The following NOX4 variants were observed in gnomAD, a reference collection of about 807,000 sequenced individuals.
The protein encoded by NOX4 is kidney oxidase-1.
Under a neutral mutation model 87.6 loss-of-function variants are expected in NOX4, and 69 were observed. The ratio of observed to expected loss-of-function variants is 0.79; its 90% CI spans 0.65 to 0.96. NOX4 has a LOEUF of 0.96. NOX4 is among the 40% of genes least tolerant of loss of function. The pLI, the probability that NOX4 is intolerant of heterozygous loss-of-function variation, is 0.00. For missense variants in NOX4, 680 were observed against 681.5 expected (o/e 1.00, Z 0.02); for synonymous variants, 275 against 238.2 (o/e 1.15, Z -1.42).
chr11:89,417,438 C>G (rs897556372), intron 8 of NOX4, among the ~76,000 whole-genome samples: 9 of 151,976 alleles, frequency 5.9e-5, no homozygotes, highest in African/African-American at 1.4e-4. Flanking sequence ...CCAATAGCAA[C>G]CTCCCAAAAA....
intron 8 of NOX4, among the ~76,000 whole-genome samples, chr11:89,416,200 T>C (rs1942761669): frequency 6.6e-6 from 1 of 152,132 alleles, no homozygotes; most frequent in Non-Finnish European, 1.5e-5. Context: ...AATTACAAAG[T>C]CACTGCAAAT....
intron 1 of NOX4, chr11:89,490,956 C>T (rs1371051275): frequency 3.0e-6 from 2 of 661,384 alleles, no homozygotes; most frequent in African/African-American, 1.8e-5. Context: ...TTCCCTCTTC[C>T]TCCACATCTC....
At chr11:89,429,906 G>A (rs1053249332) in intron 7 of NOX4, among the ~76,000 whole-genome samples, 1 of 152,118 alleles carries the variant, frequency 6.6e-6, no homozygotes, top group African/African-American at 2.4e-5. Context: ...AACAAAAAAA[G>A]AGAATTTTAG....
rs1206442303 is a variant in NOX4, at chr11:89,326,596, G to A, written c.*160C>T. 7.6e-6 allele frequency: 4 copies of A among 524,150 alleles called. No homozygotes were observed. Among genetic ancestry groups the A allele is most frequent in the African/African-American group, 2.0e-5 (1 of 51,218 alleles). 32.5% of individuals were successfully genotyped at this position (524,150 alleles called of 1,614,324 possible). The stretch of plus-strand genomic sequence containing the variant: ...TTCCAGATTAAACATGTAATGTGAC[G>A]GTCATCTTGCCACATTCTCACATTT... On this transcript the variant is annotated 3_prime_UTR_variant, in exon 18 of 18. Coordinates refer to ENST00000263317, the MANE Select transcript of NOX4 (RefSeq NM_016931.5).
At chr11:89,582,452 C>T in the NOX4 span, among the ~76,000 whole-genome samples, 33 of 152,206 alleles carry the variant, frequency 2.2e-4, 1 homozygote, top group South Asian at 6.4e-3. Context: ...TCTGAGGAAT[C>T]TCCATACTGT....
chr11:89,534,987 G>T, the NOX4 span, among the ~76,000 whole-genome samples: 2 of 152,116 alleles, frequency 1.3e-5, no homozygotes, highest in Admixed American at 1.3e-4. Flanking sequence ...TGAATTTGAA[G>T]CTTAATTTCA....
At chr11:89,494,867 G>A (rs935521415), upstream of NOX4, among the ~76,000 whole-genome samples, 11 of 152,172 alleles carry the variant, frequency 7.2e-5, no homozygotes, top group East Asian at 1.9e-4. Context: ...GAAATTTATC[G>A]TCTCACAGTT....
the NOX4 span, among the ~76,000 whole-genome samples, chr11:89,540,103 C>T: frequency 6.6e-6 from 1 of 152,222 alleles, no homozygotes; most frequent in Non-Finnish European, 1.5e-5. Flanking sequence ...ACGTAATACC[C>T]GTGTCCTCAT....
intron 9 of NOX4, among the ~76,000 whole-genome samples, chr11:89,401,807 C>T (rs1039328061): frequency 3.3e-5 from 5 of 151,952 alleles, no homozygotes; most frequent in Admixed American, 2.6e-4. Context: ...ATAGTCATTG[C>T]GAATATTGCA....
chr11:89,431,140 C>T (rs1943758354), intron 7 of NOX4, among the ~76,000 whole-genome samples: 1 of 152,286 alleles, frequency 6.6e-6, no homozygotes, highest in East Asian at 1.9e-4. Context: ...GCTGGGAAAA[C>T]TGGCTAGTTG....
the NOX4 span, among the ~76,000 whole-genome samples, chr11:89,583,805 G>A: frequency 8.6e-5 from 13 of 152,042 alleles, no homozygotes; most frequent in African/African-American, 3.1e-4. Flanking sequence ...CTGAGTAAAC[G>A]TTCCAAGGTT....
At chr11:89,420,137 G>A (rs1412858240) in intron 8 of NOX4, among the ~76,000 whole-genome samples, 2 of 152,006 alleles carry the variant, frequency 1.3e-5, no homozygotes, top group Non-Finnish European at 2.9e-5. Flanking sequence ...TTGAATCTAG[G>A]ATCCATCAGT....
intron 7 of NOX4, among the ~76,000 whole-genome samples, chr11:89,429,377 G>C (rs1943646234): frequency 6.6e-6 from 1 of 151,612 alleles, no homozygotes; most frequent in Non-Finnish European, 1.5e-5. Flanking sequence ...AACTGAAGGA[G>C]ACAGAGACAC....
the NOX4 span, chr11:89,577,425 T>C: frequency 2.6e-5 from 4 of 152,160 alleles, no homozygotes; most frequent in Non-Finnish European, 5.9e-5. Context: ...AGGGCTCAGA[T>C]AAAGGATTTA....
chr11:89,469,691 A>G (rs1160508947), intron 2 of NOX4, among the ~76,000 whole-genome samples: 1 of 152,176 alleles, frequency 6.6e-6, no homozygotes, highest in Non-Finnish European at 1.5e-5. Context: ...ATCACTCCCC[A>G]GAACAGAGTT....
At chr11:89,526,725 C>T in the NOX4 span, among the ~76,000 whole-genome samples, 3 of 152,120 alleles carry the variant, frequency 2.0e-5, no homozygotes, top group East Asian at 3.9e-4. Flanking sequence ...TTGCCTTCCA[C>T]CATGATTGTA....
intron 17 of NOX4, among the ~76,000 whole-genome samples, chr11:89,330,865 G>A (rs1945439488): frequency 6.6e-6 from 1 of 151,886 alleles, no homozygotes; most frequent in Non-Finnish European, 1.5e-5. Flanking sequence ...AACACTGATG[G>A]AACTGTAAAG....
chr11:89,494,098 G>A (rs1439385481), upstream of NOX4, among the ~76,000 whole-genome samples: 2 of 152,084 alleles, frequency 1.3e-5, no homozygotes, highest in African/African-American at 4.8e-5. Context: ...TCCCAAACTA[G>A]GAAAGGCCAT....
the NOX4 span, among the ~76,000 whole-genome samples, chr11:89,559,578 A>C: frequency 5.7e-3 from 862 of 152,310 alleles, 7 homozygotes; most frequent in African/African-American, 0.02. Flanking sequence ...TGCTATGTAA[A>C]TATAATAGAT....
Sources: allele counts gnomAD v4.1 joint callset (sites outside exome capture counted in the v4.1 genomes callset), GRCh38; gene constraint gnomAD v4.1.1; transcripts MANE v1.5; gene names NCBI Gene and HGNC (gene_info 2026-07-23, HGNC 2026-07-21).